KSR2: variants seen among roughly 807,000 people sequenced by gnomAD.
KSR2 encodes the protein kinase suppressor of ras 2.
Under a neutral mutation model 107.8 loss-of-function variants are expected in KSR2, and 25 were observed. The ratio of observed to expected loss-of-function variants is 0.23; its 90% CI spans 0.17 to 0.32. The LOEUF (loss-of-function observed/expected upper bound fraction) is 0.32. Ranked by LOEUF, KSR2 falls within the 10% of genes least tolerant of loss-of-function variation. KSR2 has a pLI of 1.00. For synonymous variants in KSR2, 480 were observed against 507.0 expected (o/e 0.95, Z 0.71); for missense variants, 887 against 1,268.9 (o/e 0.70, Z 4.57).
At chr12:117,947,008 T>C (rs975001915) in intron 1 of KSR2, among the ~76,000 whole-genome samples, 6 of 146,930 alleles carry the variant, frequency 4.1e-5, no homozygotes, top group African/African-American at 9.8e-5. Context: ...CTACTAAAAA[T>C]ACAAAAAAAA....
intron 3 of KSR2, among the ~76,000 whole-genome samples, chr12:117,829,440 T>A (rs1171544296): frequency 6.6e-6 from 1 of 152,222 alleles, no homozygotes; most frequent in African/African-American, 2.4e-5. Context: ...TCTTATTGCA[T>A]CATGACAATA....
At chr12:117,944,527 T>G (rs1896114103) in intron 1 of KSR2, among the ~76,000 whole-genome samples, 1 of 151,860 alleles carries the variant, frequency 6.6e-6, no homozygotes, top group African/African-American at 2.4e-5. Flanking sequence ...AAGGTTGAAT[T>G]TTATGTGAAA....
chr12:117,673,636 A>C (rs571981946), intron 4 of KSR2, among the ~76,000 whole-genome samples: 15 of 152,242 alleles, frequency 9.9e-5, no homozygotes, highest in Middle Eastern at 6.8e-3. Context: ...CATGGACAAG[A>C]TGTGGGATTC....
intron 3 of KSR2, among the ~76,000 whole-genome samples, chr12:117,812,947 C>T (rs1891249003): frequency 6.7e-6 from 1 of 149,944 alleles, no homozygotes; most frequent in African/African-American, 2.5e-5. Context: ...ATAACCTAAA[C>T]AGCATTGTAC....
At chr12:117,818,703 AGAG>A (rs1334600946) in intron 3 of KSR2, among the ~76,000 whole-genome samples, 4 of 152,148 alleles carry the variant, frequency 2.6e-5, no homozygotes, top group African/African-American at 9.7e-5. Context: ...TTCTGTGGCT[AGAG>A]GAGGAGGAAC....
intron 4 of KSR2, among the ~76,000 whole-genome samples, chr12:117,691,397 G>A (rs1885810350): frequency 6.6e-6 from 1 of 152,134 alleles, no homozygotes; most frequent in Admixed American, 6.5e-5. Flanking sequence ...CAGCCACCTA[G>A]GAAACTGGAT....
chr12:117,534,824 T>C (rs111823140), intron 10 of KSR2, among the ~76,000 whole-genome samples: 26 of 151,960 alleles, frequency 1.7e-4, no homozygotes, highest in African/African-American at 5.1e-4. Flanking sequence ...GATGTGATCA[T>C]GCAAGCAGAG....
chr12:117,732,259 A>AG (rs1271971444), intron 4 of KSR2, among the ~76,000 whole-genome samples: 1 of 151,666 alleles, frequency 6.6e-6, no homozygotes, highest in Non-Finnish European at 1.5e-5. Context: ...CTAGAATGGG[A>AG]GGGATGACTC....
At chr12:117,668,001 A>G (rs1225277775) in intron 4 of KSR2, among the ~76,000 whole-genome samples, 1 of 152,118 alleles carries the variant, frequency 6.6e-6, no homozygotes, top group Non-Finnish European at 1.5e-5. Context: ...GAGTCTCCAG[A>G]GCTCCAAGCC....
At chr12:117,487,945 C>T (rs1361423257) in intron 14 of KSR2, among the ~76,000 whole-genome samples, 4 of 152,090 alleles carry the variant, frequency 2.6e-5, no homozygotes, top group African/African-American at 9.7e-5. Context: ...GTGTCCCCAC[C>T]CAAATCTCAC....
chr12:117,766,168 G>A (rs74852773), intron 3 of KSR2, among the ~76,000 whole-genome samples: 3,865 of 152,250 alleles, frequency 0.025, 181 homozygotes, highest in African/African-American at 0.087. Flanking sequence ...ATCAACTAAG[G>A]AATGGATAAA....
At chr12:117,516,565 G>C (rs1275972893) in intron 14 of KSR2, among the ~76,000 whole-genome samples, 1 of 152,076 alleles carries the variant, frequency 6.6e-6, no homozygotes, top group African/African-American at 2.4e-5. Flanking sequence ...CATTTTATAG[G>C]AGATAAAAGT....
chr12:117,804,996 T>G (rs1890963066), intron 3 of KSR2, among the ~76,000 whole-genome samples: 1 of 152,166 alleles, frequency 6.6e-6, no homozygotes, highest in African/African-American at 2.4e-5. Flanking sequence ...ATGAAAGAAC[T>G]CCTGGGCTCT....
chr12:117,924,572 CAAAAAAAAA>C (rs58789868), intron 1 of KSR2, among the ~76,000 whole-genome samples: 3 of 39,532 alleles, frequency 7.6e-5, no homozygotes, highest in Admixed American at 6.1e-4. Flanking sequence ...AGCTCCATCT[CAAAAAAAAA>C]AAAAAAAAAA....
intron 3 of KSR2, among the ~76,000 whole-genome samples, chr12:117,765,307 T>A (rs1034066087): frequency 7.2e-5 from 11 of 152,206 alleles, no homozygotes; most frequent in African/African-American, 2.7e-4. Flanking sequence ...AAGTAGTGCT[T>A]TTGGCATTAT....
chr12:117,506,007 G>A (rs1229817064), intron 14 of KSR2, among the ~76,000 whole-genome samples: 1 of 152,134 alleles, frequency 6.6e-6, no homozygotes, highest in Non-Finnish European at 1.5e-5. Context: ...AGGCTACTGA[G>A]GACAAGCATG....
intron 14 of KSR2, among the ~76,000 whole-genome samples, chr12:117,488,551 C>T (rs1872590193): frequency 6.6e-6 from 1 of 152,122 alleles, no homozygotes; most frequent in Non-Finnish European, 1.5e-5. Context: ...AAAGGGACTC[C>T]AGCTAGTTCT....
At chr12:117,929,772 T>C (rs1053882720) in intron 1 of KSR2, among the ~76,000 whole-genome samples, 1 of 152,202 alleles carries the variant, frequency 6.6e-6, no homozygotes, top group Non-Finnish European at 1.5e-5. Flanking sequence ...GGACAAATAC[T>C]GTTTAATTCC....
chr12:117,539,118 GC>G (rs1167308449), intron 10 of KSR2, among the ~76,000 whole-genome samples: 2 of 152,202 alleles, frequency 1.3e-5, no homozygotes, highest in Admixed American at 6.5e-5. Flanking sequence ...GAATTCCTGA[GC>G]TAGAGGAACC....
Sources: gnomAD v4.1 joint callset for allele counts (sites outside exome capture counted in the v4.1 genomes callset) on GRCh38, gnomAD v4.1.1 for gene constraint, MANE v1.5 for transcripts, NCBI Gene and HGNC (gene_info 2026-07-23, HGNC 2026-07-21) for gene names.